Variants in DLG2 observed in about 807,000 individuals in gnomAD.
The protein encoded by DLG2 is disks large homolog 2.
In DLG2, 45 loss-of-function variants were observed where a neutral mutation model predicts 132.5. The ratio of observed to expected loss-of-function variants is 0.34; its 90% confidence interval spans 0.27 to 0.44. The LOEUF (loss-of-function observed/expected upper bound fraction) is 0.44, where lower values mean the gene tolerates loss of function less well. DLG2 is among the 20% of genes least tolerant of loss of function. The probability of loss-of-function intolerance (pLI) is 1.00; values close to 1 mark genes in which losing one functional copy is unlikely to be tolerated. For synonymous variants in DLG2, 424 were observed against 419.6 expected (o/e 1.01, Z -0.13); for missense variants, 1,045 against 1,196.9 (o/e 0.87, Z 1.87).
intron 6 of DLG2, among the ~76,000 whole-genome samples, chr11:84,939,896 A>G (rs2049181040): frequency 6.6e-6 from 1 of 152,180 alleles, no homozygotes; most frequent in African/African-American, 2.4e-5. Context: ...GAGAATGCAG[A>G]TATCTCATTG....
intron 21 of DLG2, among the ~76,000 whole-genome samples, chr11:83,499,484 C>T (rs1591908051): frequency 6.6e-6 from 1 of 152,116 alleles, no homozygotes; most frequent in Non-Finnish European, 1.5e-5. Context: ...AGTTTTGACA[C>T]ACTGCCAAAT....
At chr11:85,423,397 CT>C (rs1025270378) in intron 3 of DLG2, among the ~76,000 whole-genome samples, 8 of 152,296 alleles carry the variant, frequency 5.3e-5, no homozygotes, top group African/African-American at 1.9e-4. Flanking sequence ...CTATATTTTG[CT>C]GGTTGGCCTC....
chr11:85,353,108 C>A, intron 3 of DLG2, among the ~76,000 whole-genome samples: 1 of 152,054 alleles, frequency 6.6e-6, no homozygotes, highest in East Asian at 1.9e-4. Flanking sequence ...GGCTAATATC[C>A]AGAATCTACA....
chr11:83,821,535 A>C (rs1308975002), intron 17 of DLG2, among the ~76,000 whole-genome samples: 1 of 152,190 alleles, frequency 6.6e-6, no homozygotes, highest in Non-Finnish European at 1.5e-5. Context: ...TTATGTCTCC[A>C]CTAAGCTATC....
At chr11:83,706,037 T>C (rs1457643529) in intron 18 of DLG2, among the ~76,000 whole-genome samples, 2 of 152,022 alleles carry the variant, frequency 1.3e-5, no homozygotes, top group Non-Finnish European at 2.9e-5. Flanking sequence ...GCCAACATGG[T>C]GAAACCCCGT....
chr11:84,510,097 AT>A (rs2099253083), intron 7 of DLG2, among the ~76,000 whole-genome samples: 2 of 96,388 alleles, frequency 2.1e-5, no homozygotes, highest in African/African-American at 6.2e-5. Context: ...GAGTTCACTT[AT>A]TATTATTATT....
At position 84,409,368 on chromosome 11, in the gene DLG2, A is replaced by T. The variant is rs555114232; in HGVS notation, c.519+125202T>A. On this transcript the variant is annotated intron_variant, in intron 7 of 27. Coordinates refer to ENST00000376104, the MANE Select transcript of DLG2 (RefSeq NM_001142699.3). ...TAATCAGCAGCAAGAGTGGAATCCT[A>T]AACTTTTGTGTGGCTCTTTGTTTGA... 3.2e-4 allele frequency among the ~76,000 whole-genome samples: 48 copies of T among 152,316 alleles called. 2 individuals carry two copies. In the South Asian group the frequency reaches 9.9e-3, roughly 32 times the overall value.
At chr11:84,851,271 C>T (rs528202014) in intron 6 of DLG2, among the ~76,000 whole-genome samples, 27 of 152,202 alleles carry the variant, frequency 1.8e-4, no homozygotes, top group African/African-American at 6.5e-4. Context: ...TCTTCCTTCA[C>T]ATGTTATTAT....
Position 85,353,988 on chromosome 11 carries a change from TA to T in DLG2, c.41-68624del, listed in dbSNP as rs1001601563. Among the ~76,000 whole-genome samples the T allele has an allele frequency of 1.9e-4, 27 of 141,306 alleles. No individual in the cohort carries two copies. The East Asian group carries it at 3.1e-3, about 16-fold the overall frequency. 92.7% of individuals were successfully genotyped at this position (141,306 alleles called of 152,430 possible). ...TGTACCCTAGAACTTAAAGTATAAT[TA>T]AAAAAAAAAGAAATTCCTTAATAAA... On this transcript the variant is annotated intron_variant, in intron 3 of 27. Coordinates refer to ENST00000376104, the MANE Select transcript of DLG2 (RefSeq NM_001142699.3).
chr11:84,640,520 T>C (rs2099657132), intron 6 of DLG2: 3 of 370,702 alleles, frequency 8.1e-6, no homozygotes, highest in South Asian at 2.3e-5. Flanking sequence ...TTTTGGATGG[T>C]ATCTATGTGT....
intron 4 of DLG2, among the ~76,000 whole-genome samples, chr11:85,201,511 C>A (rs1257454170): frequency 6.6e-6 from 1 of 152,124 alleles, no homozygotes; most frequent in Non-Finnish European, 1.5e-5. Context: ...AATCTCAAAG[C>A]CCACGCAAGA....
At chr11:83,467,775 A>ATATATATATATATATATATG (rs2091340993) in intron 25 of DLG2, among the ~76,000 whole-genome samples, 1 of 38,206 alleles carries the variant, frequency 2.6e-5, no homozygotes, top group Non-Finnish European at 4.6e-5. Flanking sequence ...CTATATGTAT[A>ATATATATATATATATATATG]TATATATATA....
intron 6 of DLG2, among the ~76,000 whole-genome samples, chr11:84,644,718 A>AG (rs1477299863): frequency 6.6e-6 from 1 of 151,904 alleles, no homozygotes; most frequent in East Asian, 1.9e-4. Context: ...AAAAAAAAAA[A>AG]AAAGATGTCT....
intron 5 of DLG2, among the ~76,000 whole-genome samples, chr11:85,148,931 T>C (rs1334338702): frequency 6.6e-6 from 1 of 152,222 alleles, no homozygotes; most frequent in Non-Finnish European, 1.5e-5. Flanking sequence ...TTGTATAAAG[T>C]ATAAGGAAGG....
chr11:84,282,658 A>C (rs1025648911), intron 7 of DLG2, among the ~76,000 whole-genome samples: 6 of 152,094 alleles, frequency 3.9e-5, no homozygotes, highest in Non-Finnish European at 7.4e-5. Context: ...TTGGGGGAGA[A>C]AAAAAAGCTT....
intron 6 of DLG2, among the ~76,000 whole-genome samples, chr11:85,076,735 T>C (rs2066596866): frequency 6.6e-6 from 1 of 152,028 alleles, no homozygotes; most frequent in Non-Finnish European, 1.5e-5. Context: ...AAAGGCCTCA[T>C]TCAAACCACA....
At chr11:84,537,195 T>C (rs982330321) in intron 6 of DLG2, among the ~76,000 whole-genome samples, 6 of 152,202 alleles carry the variant, frequency 3.9e-5, no homozygotes, top group Admixed American at 3.3e-4. Context: ...CAACCTCTGC[T>C]TCCCGAGTTC....
chr11:83,572,797 G>T (rs2096819928), intron 19 of DLG2, among the ~76,000 whole-genome samples: 1 of 152,152 alleles, frequency 6.6e-6, no homozygotes, highest in African/African-American at 2.4e-5. Flanking sequence ...TTATACAAGA[G>T]TCCTTTCTTA....
chr11:84,687,142 C>T (rs2099738901), intron 6 of DLG2: 1 of 152,064 alleles, frequency 6.6e-6, no homozygotes, highest in African/African-American at 2.4e-5. Flanking sequence ...GTTACATGCT[C>T]TATTTCATTT....
Sources: allele counts gnomAD v4.1 joint callset (sites outside exome capture counted in the v4.1 genomes callset), GRCh38; gene constraint gnomAD v4.1.1; transcripts MANE v1.5; gene names NCBI Gene and HGNC (gene_info 2026-07-23, HGNC 2026-07-21).